The following HNF4A variants were observed in gnomAD, a reference collection of about 807,000 sequenced individuals.
HNF4A encodes hepatocyte nuclear factor 4-alpha.
A neutral mutation model predicts 52.4 loss-of-function variants in HNF4A; 15 were observed. The observed-to-expected ratio is 0.29, with a 90% CI of 0.19 to 0.44. The LOEUF is 0.44. Ranked by LOEUF, HNF4A falls within the 20% of genes least tolerant of loss-of-function variation. The probability of loss-of-function intolerance (pLI) is 1.00; values close to 1 mark genes in which losing one functional copy is unlikely to be tolerated. For missense variants in HNF4A, 479 were observed against 647.2 expected, an observed-to-expected ratio of 0.74 and a Z score of 2.82; for synonymous variants, 280 against 264.4, an observed-to-expected ratio of 1.06 and a Z score of -0.57.
At chr20:44,413,573 G>A (rs2063616614) in intron 3 of HNF4A, 121 bp from the exon 4 acceptor site, 3 of 734,758 alleles carry the variant, frequency 4.1e-6, no homozygotes, top group Non-Finnish European at 7.4e-6. Flanking sequence ...TCCACATGCT[G>A]ATGTGGGCCT....
intron 1 of HNF4A, among the ~76,000 whole-genome samples, chr20:44,391,142 C>G (rs1489479945): frequency 9.2e-5 from 14 of 152,092 alleles, no homozygotes. Flanking sequence ...GCATGGGGTC[C>G]CCTCCATCCC....
At chr20:44,416,823 G>C (rs1182810019) in intron 5 of HNF4A, among the ~76,000 whole-genome samples, 1 of 151,942 alleles carries the variant, frequency 6.6e-6, no homozygotes, top group African/African-American at 2.4e-5. Context: ...CACCTCCTTA[G>C]AGGCCTTCTC....
chr20:44,381,295 T>C (rs75064763), intron 1 of HNF4A, among the ~76,000 whole-genome samples: 2 of 151,342 alleles, frequency 1.3e-5, no homozygotes, highest in Non-Finnish European at 2.9e-5. Context: ...TTTTTTTTTT[T>C]TTTGAGACAG....
chr20:44,407,895 C>T (rs899228421), intron 3 of HNF4A, among the ~76,000 whole-genome samples: 3 of 152,264 alleles, frequency 2.0e-5, no homozygotes, highest in East Asian at 1.9e-4. Flanking sequence ...CAGAGGAGCC[C>T]GATGCCTGAG....
intron 1 of HNF4A, among the ~76,000 whole-genome samples, chr20:44,393,572 T>A (rs962331048): frequency 9.2e-5 from 14 of 152,086 alleles, no homozygotes; most frequent in African/African-American, 2.7e-4. Flanking sequence ...TGAGCATGGG[T>A]ATATGGCTCA....
At chr20:44,358,731 T>G (rs2062886680) in intron 1 of HNF4A, among the ~76,000 whole-genome samples, 1 of 152,156 alleles carries the variant, frequency 6.6e-6, no homozygotes, top group Non-Finnish European at 1.5e-5. Context: ...CATTGGTGGG[T>G]CAGGGACATG....
At chr20:44,399,419 C>T (rs541062676), upstream of HNF4A, among the ~76,000 whole-genome samples, 4 of 152,276 alleles carry the variant, frequency 2.6e-5, no homozygotes, top group African/African-American at 9.6e-5. Context: ...CTCTCTTGTC[C>T]TCCACAACAG....
intron 1 of HNF4A, among the ~76,000 whole-genome samples, chr20:44,356,923 G>A (rs1293389517): frequency 2.0e-5 from 3 of 152,102 alleles, no homozygotes; most frequent in African/African-American, 4.8e-5. Context: ...CAACATTCAC[G>A]TGCCTCTTGC....
chr20:44,384,663 A>G (rs1165878794), intron 1 of HNF4A: 2 of 152,332 alleles, frequency 1.3e-5, no homozygotes, highest in African/African-American at 2.4e-5. Flanking sequence ...TTCTGCTCAC[A>G]TCTCGTTACC....
intron 7 of HNF4A, among the ~76,000 whole-genome samples, chr20:44,420,143 C>A (rs2063724316): frequency 6.6e-6 from 1 of 151,846 alleles, no homozygotes. Flanking sequence ...ATGAGCCTGG[C>A]TAACATGGAG....
intron 1 of HNF4A, among the ~76,000 whole-genome samples, chr20:44,361,008 C>A (rs1344522298): frequency 6.6e-6 from 1 of 152,122 alleles, no homozygotes; most frequent in Non-Finnish European, 1.5e-5. Flanking sequence ...GAGTAGGACC[C>A]CAGATGCTGG....
intron 1 of HNF4A, among the ~76,000 whole-genome samples, chr20:44,379,087 G>T (rs994595190): frequency 2.0e-5 from 3 of 152,052 alleles, no homozygotes; most frequent in Non-Finnish European, 2.9e-5. Flanking sequence ...CTAGCATAAT[G>T]CCCTCAGGAT....
At chr20:44,408,809 TA>T (rs1247382783) in intron 3 of HNF4A, among the ~76,000 whole-genome samples, 2 of 152,190 alleles carry the variant, frequency 1.3e-5, no homozygotes, top group Non-Finnish European at 1.5e-5. Flanking sequence ...GCTCTGCGAC[TA>T]GTCCCAGACC....
At position 44,424,428 on chromosome 20, in the gene HNF4A, G is replaced by A. The variant is rs778517085; in HGVS notation, c.1129+174G>A. On this transcript the variant is annotated intron_variant, in intron 8 of 9. Transcript: ENST00000316099. The stretch of plus-strand genomic sequence containing the variant: ...ACCAGAAAAATGGGAACAAGGCAAT[G>A]GTCTATTTGTTCAGGCACCGAGAAC... 15 of 1,187,610 alleles carry A rather than the reference G, an allele frequency of 1.3e-5. No individual in the cohort carries two copies. In the East Asian group the frequency reaches 3.6e-4, roughly 28 times the overall value. 73.6% of individuals were successfully genotyped at this position (1,187,610 alleles called of 1,614,324 possible). A position where few individuals can be genotyped will look rare whatever the true frequency, so the allele number is the denominator to read the frequency against.
Position 44,419,755 on chromosome 20 carries a change from G to C in HNF4A, c.771G>C (p.Glu257Asp). 6.2e-7 allele frequency: 1 copy of C among 1,614,132 alleles called. No homozygotes were observed. Among genetic ancestry groups the C allele is most frequent in the Non-Finnish European group, 8.5e-7 (1 of 1,180,012 alleles). Reference sequence around the variant, plus strand: ...ACATTGTCCCTCGGCACTGCCCGGAGCTGGCGGAGATGAGCCGGGTGTCCA... The same window carrying C: ...ACATTGTCCCTCGGCACTGCCCGGACCTGGCGGAGATGAGCCGGGTGTCCA... Residue 257 changes from glutamate to aspartate, a missense_variant, in exon 7 of 10, where the codon GAG (glutamate) becomes GAC (aspartate). Coordinates refer to ENST00000316099, the MANE Select transcript of HNF4A (RefSeq NM_000457.6).
chr20:44,404,472 G>T (rs187918107), intron 1 of HNF4A, among the ~76,000 whole-genome samples: 111 of 151,250 alleles, frequency 7.3e-4, no homozygotes, highest in Non-Finnish European at 1.0e-4. Context: ...ATGAATACAC[G>T]TGTGTGTGTG....
At chr20:44,371,277 T>C (rs1055443464) in intron 1 of HNF4A, among the ~76,000 whole-genome samples, 3 of 151,932 alleles carry the variant, frequency 2.0e-5, no homozygotes, top group African/African-American at 7.3e-5. Flanking sequence ...ATTTTTTTTG[T>C]TGTTGCTTTT....
intron 3 of HNF4A, among the ~76,000 whole-genome samples, chr20:44,411,512 G>C (rs2063582186): frequency 6.6e-6 from 1 of 151,894 alleles, no homozygotes. Flanking sequence ...GCTGGCAGGA[G>C]GCTGCCGTGG....
Position 44,406,094 on chromosome 20 carries a change from C to A in HNF4A, c.152C>A (p.Pro51His), listed in dbSNP as rs763529905. Residue 51 changes from proline (P) to histidine (H), a missense_variant, in exon 2 of 10, where the codon CCC becomes CAC. Coordinates refer to ENST00000316099, the MANE Select transcript of HNF4A (RefSeq NM_000457.6). ...TCAGAAGGCACCAACCTCAACGCGC[C>A]CAACAGCCTGGGTGTCAGCGCCCTG... 14 of 1,613,110 alleles carry A rather than the reference C, an allele frequency of 8.7e-6. No homozygotes were observed. In the African/African-American group the frequency reaches 1.7e-4, roughly 20 times the overall value.
Sources: allele counts gnomAD v4.1 joint callset (sites outside exome capture counted in the v4.1 genomes callset), GRCh38; gene constraint gnomAD v4.1.1; transcripts MANE v1.5; gene names NCBI Gene and HGNC (gene_info 2026-07-23, HGNC 2026-07-21).